Variants in LRRC4C observed in about 807,000 individuals in gnomAD.
The protein encoded by LRRC4C is leucine-rich repeat-containing protein 4C.
A neutral mutation model predicts 33.6 loss-of-function variants in LRRC4C; 5 were observed. That is an observed-to-expected ratio of 0.15 (90% CI 0.08 to 0.31). The LOEUF (loss-of-function observed/expected upper bound fraction) is 0.31, where lower values mean the gene tolerates loss of function less well. Among genes scored for constraint, LRRC4C ranks in the 10% least tolerant of loss-of-function variants. LRRC4C has a pLI of 1.00. For missense variants in LRRC4C, 560 were observed against 796.7 expected (o/e 0.70, Z 3.58); for synonymous variants, 329 against 302.0 (o/e 1.09, Z -0.93).
chr11:40,452,372 A>G (rs199502849), intron 3 of LRRC4C, among the ~76,000 whole-genome samples: 2 of 152,248 alleles, frequency 1.3e-5, no homozygotes, highest in East Asian at 1.9e-4. Flanking sequence ...TGGGTGAAGG[A>G]TATGAACAGA....
chr11:41,204,335 A>G (rs1383570998), intron 1 of LRRC4C, among the ~76,000 whole-genome samples: 2 of 152,228 alleles, frequency 1.3e-5, no homozygotes, highest in Non-Finnish European at 1.5e-5. Flanking sequence ...CATAATCTGG[A>G]CTGGGCACCA....
At chr11:40,413,053 A>C (rs1950206876) in intron 3 of LRRC4C, among the ~76,000 whole-genome samples, 1 of 152,080 alleles carries the variant, frequency 6.6e-6, no homozygotes, top group African/African-American at 2.4e-5. Context: ...CTATTTATTT[A>C]GGCGAATTTA....
chr11:40,815,340 A>G (rs1951663738), intron 2 of LRRC4C, among the ~76,000 whole-genome samples: 1 of 152,122 alleles, frequency 6.6e-6, no homozygotes, highest in Non-Finnish European at 1.5e-5. Context: ...ATTACCACTC[A>G]CCAGGTCCCT....
intron 3 of LRRC4C, among the ~76,000 whole-genome samples, chr11:40,469,197 G>T (rs1952800723): frequency 6.6e-6 from 1 of 152,158 alleles, no homozygotes; most frequent in Admixed American, 6.5e-5. Flanking sequence ...ATCTCACTAG[G>T]ACTGGTTAGA....
At chr11:41,330,874 A>C (rs1951273415) in intron 1 of LRRC4C, among the ~76,000 whole-genome samples, 1 of 152,164 alleles carries the variant, frequency 6.6e-6, no homozygotes, top group Non-Finnish European at 1.5e-5. Flanking sequence ...CTCCAAACTT[A>C]TTAAAACCCT....
intron 5 of LRRC4C, among the ~76,000 whole-genome samples, chr11:40,238,068 A>C (rs999045992): frequency 2.0e-5 from 3 of 152,212 alleles, no homozygotes; most frequent in Non-Finnish European, 1.5e-5. Flanking sequence ...TGGAACTCAA[A>C]GGGATCCAAA....
At chr11:41,330,967 G>C (rs536106701) in intron 1 of LRRC4C, among the ~76,000 whole-genome samples, 74 of 152,008 alleles carry the variant, frequency 4.9e-4, no homozygotes, top group Non-Finnish European at 7.9e-4. Context: ...GCTCCGTCTG[G>C]TATTTGGCTG....
At chr11:40,456,970 G>T (rs1047268110) in intron 3 of LRRC4C, among the ~76,000 whole-genome samples, 1 of 151,792 alleles carries the variant, frequency 6.6e-6, no homozygotes, top group Non-Finnish European at 1.5e-5. Flanking sequence ...AATTATGTGT[G>T]CTATACAGTA....
intron 3 of LRRC4C, among the ~76,000 whole-genome samples, chr11:40,406,874 A>G (rs1464519107): frequency 6.6e-6 from 1 of 152,126 alleles, no homozygotes; most frequent in Non-Finnish European, 1.5e-5. Context: ...TAATTGGCCA[A>G]TTTTGAAATT....
intron 2 of LRRC4C, among the ~76,000 whole-genome samples, chr11:40,843,132 G>A (rs1253384041): frequency 6.6e-6 from 1 of 152,000 alleles, no homozygotes; most frequent in African/African-American, 2.4e-5. Flanking sequence ...GCCTGGTGAC[G>A]AACTGACCCC....
chr11:40,154,829 T>G (rs895671422), intron 5 of LRRC4C, among the ~76,000 whole-genome samples: 17 of 152,124 alleles, frequency 1.1e-4, no homozygotes, highest in African/African-American at 3.6e-4. Flanking sequence ...AACAATGGAT[T>G]TAAACTATAC....
rs1463198536 is a variant in LRRC4C at position 40,909,456 on chromosome 11, CA to C, written c.-407+24178del. Among the ~76,000 whole-genome samples, 4 of 152,070 alleles carry C rather than the reference CA, an allele frequency of 2.6e-5. 1 individual carries two copies. The highest frequency in any genetic ancestry group is 9.6e-5 in the African/African-American group (4 of 41,502). Reference sequence around the variant, plus strand: ...TAACTAGCAAAGAAACATACAAAAACAAGCAATAAATAAACAGCAGATCAGT... The same window carrying C: ...TAACTAGCAAAGAAACATACAAAAACAGCAATAAATAAACAGCAGATCAGT... On this transcript the variant is annotated intron_variant, in intron 2 of 6. Transcript: ENST00000528697.
At chr11:41,411,116 G>A (rs1954458586) in intron 1 of LRRC4C, among the ~76,000 whole-genome samples, 1 of 132,184 alleles carries the variant, frequency 7.6e-6, no homozygotes. Flanking sequence ...CTTGCTTTTA[G>A]ATGAGAAACA....
chr11:40,548,516 C>A (rs950966221), intron 3 of LRRC4C, among the ~76,000 whole-genome samples: 8 of 152,000 alleles, frequency 5.3e-5, no homozygotes, highest in African/African-American at 9.7e-5. Context: ...ATGGTGACAC[C>A]TTGATTATTT....
At chr11:40,245,972 CTT>C (rs556019520) in intron 4 of LRRC4C, among the ~76,000 whole-genome samples, 19 of 132,042 alleles carry the variant, frequency 1.4e-4, no homozygotes, top group Admixed American at 1.6e-4. Flanking sequence ...AAAGTCCTAA[CTT>C]TTTTTTTTTT....
At chr11:40,938,355 C>A (rs914909973) in intron 1 of LRRC4C, among the ~76,000 whole-genome samples, 1 of 152,096 alleles carries the variant, frequency 6.6e-6, no homozygotes, top group Non-Finnish European at 1.5e-5. Flanking sequence ...ATGGATAATT[C>A]ACTGTACTTG....
At chr11:40,468,117 T>C (rs977196098) in intron 3 of LRRC4C, among the ~76,000 whole-genome samples, 1 of 152,190 alleles carries the variant, frequency 6.6e-6, no homozygotes, top group Admixed American at 6.5e-5. Flanking sequence ...GCTTCTTTTC[T>C]GCTAAATTCT....
intron 6 of LRRC4C, among the ~76,000 whole-genome samples, chr11:40,122,017 C>A (rs1417638468): frequency 6.6e-6 from 1 of 152,116 alleles, no homozygotes; most frequent in Non-Finnish European, 1.5e-5. Flanking sequence ...TCTTCTGGGG[C>A]TCTTCCACCA....
At chr11:40,349,579 A>G (rs1416208539) in intron 3 of LRRC4C, among the ~76,000 whole-genome samples, 1 of 152,106 alleles carries the variant, frequency 6.6e-6, no homozygotes, top group Admixed American at 6.6e-5. Context: ...TTTGTGGAGC[A>G]TATTTGCCCA....
Sources: allele counts gnomAD v4.1 joint callset (sites outside exome capture counted in the v4.1 genomes callset), GRCh38; gene constraint gnomAD v4.1.1; transcripts MANE v1.5; gene names NCBI Gene and HGNC (gene_info 2026-07-23, HGNC 2026-07-21).